DAB1: variants seen among roughly 807,000 people sequenced by gnomAD.
DAB1 encodes the protein DAB adaptor protein 1.
A neutral mutation model predicts 64.6 loss-of-function variants in DAB1; 15 were observed. The observed-to-expected ratio is 0.23, with a 90% CI of 0.16 to 0.36. DAB1 has a LOEUF of 0.36. Ranked by LOEUF, DAB1 falls within the 10% of genes least tolerant of loss-of-function variation. The probability of loss-of-function intolerance (pLI) is 1.00; values close to 1 mark genes in which losing one functional copy is unlikely to be tolerated. For missense variants in DAB1, 596 were observed against 706.7 expected, an observed-to-expected ratio of 0.84 and a Z score of 1.78; for synonymous variants, 235 against 251.9, an observed-to-expected ratio of 0.93 and a Z score of 0.64.
chr1:57,409,488 C>CA (rs1426266237), intron 1 of DAB1, among the ~76,000 whole-genome samples: 1 of 152,152 alleles, frequency 6.6e-6, no homozygotes, highest in African/African-American at 2.4e-5. Context: ...TACTGACTGA[C>CA]AGAGTTTCAA....
intron 7 of DAB1, among the ~76,000 whole-genome samples, chr1:57,480,935 G>A (rs1644011124): frequency 6.6e-6 from 1 of 151,956 alleles, no homozygotes; most frequent in Non-Finnish European, 1.5e-5. Flanking sequence ...CTTCGTCAAG[G>A]GGATTTTGGA....
chr1:57,388,655 A>T, intron 1 of DAB1, among the ~76,000 whole-genome samples: 1 of 152,122 alleles, frequency 6.6e-6, no homozygotes, highest in East Asian at 1.9e-4. Context: ...CTGAAAGCTC[A>T]TCTCTCTCCT....
chr1:57,193,379 A>ATTTT (rs1328631874), intron 2 of DAB1, among the ~76,000 whole-genome samples: 739 of 71,442 alleles, frequency 0.01, 34 homozygotes, highest in African/African-American at 0.039. Flanking sequence ...TCCGTAGCAT[A>ATTTT]TGTTTTTTTT....
intron 3 of DAB1, among the ~76,000 whole-genome samples, chr1:57,139,814 G>A (rs917342834): frequency 1.3e-5 from 2 of 152,154 alleles, no homozygotes; most frequent in Non-Finnish European, 2.9e-5. Flanking sequence ...GAATATGGCT[G>A]TAGGTAAAGA....
At chr1:57,652,783 A>G (rs955720552) in intron 6 of DAB1, among the ~76,000 whole-genome samples, 4 of 151,948 alleles carry the variant, frequency 2.6e-5, no homozygotes, top group Non-Finnish European at 4.4e-5. Context: ...TTATGTTTCC[A>G]CTTTAAATAA....
At chr1:58,491,280 G>A (rs1645683589) in intron 3 of DAB1, among the ~76,000 whole-genome samples, 1 of 152,120 alleles carries the variant, frequency 6.6e-6, no homozygotes, top group Non-Finnish European at 1.5e-5. Context: ...AACATGGAAA[G>A]GAACAACCGG....
chr1:57,845,037 A>C (rs1448999443), intron 1 of DAB1, among the ~76,000 whole-genome samples: 2 of 152,166 alleles, frequency 1.3e-5, no homozygotes, highest in Admixed American at 1.3e-4. Flanking sequence ...TCTGAGATTA[A>C]TTCTGCTTCC....
At chr1:58,226,695 A>G (rs542741530) in intron 4 of DAB1, among the ~76,000 whole-genome samples, 1 of 152,348 alleles carries the variant, frequency 6.6e-6, no homozygotes, top group Admixed American at 6.5e-5. Flanking sequence ...AATGCTTTCC[A>G]TGTAGTCTTT....
intron 5 of DAB1, among the ~76,000 whole-genome samples, chr1:58,066,835 T>TAAGG (rs1648883157): frequency 6.6e-6 from 1 of 152,224 alleles, no homozygotes. Context: ...TTTTCCACCT[T>TAAGG]GCAGTCAGAG....
At chr1:57,718,790 T>C (rs1386935241) in intron 6 of DAB1, among the ~76,000 whole-genome samples, 3 of 152,224 alleles carry the variant, frequency 2.0e-5, no homozygotes, top group African/African-American at 7.2e-5. Flanking sequence ...AAATTTTTTA[T>C]AATTGAAATA....
At position 57,250,811 on chromosome 1, in the gene DAB1, C is replaced by T. The variant is rs185542913; in HGVS notation, c.67+40153G>A. Among the ~76,000 whole-genome samples, 548 of 152,258 alleles carry T rather than the reference C, an allele frequency of 3.6e-3. 4 individuals are homozygous for T. The highest frequency in any genetic ancestry group is 0.012 in the African/African-American group (512 of 41,534). On this transcript the variant is annotated intron_variant, in intron 2 of 14. Coordinates refer to ENST00000371236, the MANE Select transcript of DAB1 (RefSeq NM_001365792.1). The stretch of plus-strand genomic sequence containing the variant: ...ATCCTTTATATTCATATTATCATGT[C>T]ATCTTTTCAGAGGGGCTACTTTTAC...
At chr1:57,391,870 A>AT (rs1373552581) in intron 1 of DAB1, among the ~76,000 whole-genome samples, 2 of 151,906 alleles carry the variant, frequency 1.3e-5, no homozygotes, top group Non-Finnish European at 2.9e-5. Flanking sequence ...GGAAAGTTGC[A>AT]TTTTTTTAGG....
intron 7 of DAB1, among the ~76,000 whole-genome samples, chr1:57,638,676 C>T (rs1410746062): frequency 6.6e-6 from 1 of 152,172 alleles, no homozygotes; most frequent in Non-Finnish European, 1.5e-5. Flanking sequence ...AGCTGGACTT[C>T]AGAAGACACC....
rs148414102 is a variant in DAB1, at chr1:58,538,857, C to T, written n.32+7846G>A. On this transcript the variant is annotated intron_variant and non_coding_transcript_variant, in intron 1 of 20. Coordinates refer to the DAB1 transcript ENST00000485760. ...TAAGAATCATCAACAAGAGAGGAACCGGAGCAGCTTGAAACCGTGGAGAAG... is the reference window on the plus strand; with the variant it reads ...TAAGAATCATCAACAAGAGAGGAACTGGAGCAGCTTGAAACCGTGGAGAAG... 3.8e-5 allele frequency: 33 copies of T among 871,216 alleles called. No homozygotes were observed. The highest frequency in any genetic ancestry group is 5.6e-5 in the Non-Finnish European group (28 of 501,170). 54.0% of individuals were successfully genotyped at this position (871,216 alleles called of 1,614,324 possible).
At chr1:57,386,366 GAAAAAAA>G (rs5774342) in intron 1 of DAB1, among the ~76,000 whole-genome samples, 36,865 of 113,654 alleles carry the variant, frequency 0.32, 5,129 homozygotes, top group Non-Finnish European at 0.39. Flanking sequence ...GGCCCCTTGG[GAAAAAAA>G]AAAAAAAAAA....
intron 7 of DAB1, among the ~76,000 whole-genome samples, chr1:57,526,153 G>A (rs1031237672): frequency 6.6e-6 from 1 of 152,048 alleles, no homozygotes; most frequent in Non-Finnish European, 1.5e-5. Flanking sequence ...GGCCAGGCTG[G>A]TCTCAAACCC....
chr1:58,085,948 A>ATCTC, intron 5 of DAB1, among the ~76,000 whole-genome samples: 1 of 137,830 alleles, frequency 7.3e-6, no homozygotes, highest in South Asian at 2.5e-4. Context: ...CTGTGGGCTG[A>ATCTC]TCTCTCTCTC....
intron 2 of DAB1, among the ~76,000 whole-genome samples, chr1:57,170,180 G>A (rs566952218): frequency 3.3e-5 from 5 of 151,800 alleles, no homozygotes; most frequent in African/African-American, 9.7e-5. Flanking sequence ...CACATTTTTG[G>A]TAGAGACAAG....
At chr1:57,189,224 C>T (rs945477759) in intron 2 of DAB1, among the ~76,000 whole-genome samples, 16 of 152,140 alleles carry the variant, frequency 1.1e-4, no homozygotes, top group South Asian at 2.1e-4. Flanking sequence ...GTGGTTTCAC[C>T]ACAAGATATA....
Sources: allele counts gnomAD v4.1 joint callset (sites outside exome capture counted in the v4.1 genomes callset), GRCh38; gene constraint gnomAD v4.1.1; transcripts MANE v1.5; gene names NCBI Gene and HGNC (gene_info 2026-07-23, HGNC 2026-07-21).